SLC44A3: variants seen among roughly 807,000 people sequenced by gnomAD.
SLC44A3 encodes the protein choline transporter-like protein 3.
Under a neutral mutation model 75.4 loss-of-function variants are expected in SLC44A3, and 74 were observed. That is an observed-to-expected ratio of 0.98 (90% CI 0.81 to 1.19). The LOEUF (loss-of-function observed/expected upper bound fraction) is 1.19. Among genes scored for constraint, SLC44A3 ranks in the 50% most tolerant of loss-of-function variants. The pLI, the probability that SLC44A3 is intolerant of heterozygous loss-of-function variation, is 0.00. For synonymous variants in SLC44A3, 310 were observed against 296.9 expected, an observed-to-expected ratio of 1.04 and a Z score of -0.45; for missense variants, 700 against 778.6, an observed-to-expected ratio of 0.90 and a Z score of 1.20.
chr1:94,827,943 G>A (rs1055165099), intron 4 of SLC44A3, among the ~76,000 whole-genome samples: 1 of 152,098 alleles, frequency 6.6e-6, no homozygotes, highest in Non-Finnish European at 1.5e-5. Context: ...ACCCAAAGGC[G>A]GTGTCAGAAG....
chr1:94,844,313 A>G (rs1381085323), intron 8 of SLC44A3, among the ~76,000 whole-genome samples: 1 of 152,200 alleles, frequency 6.6e-6, no homozygotes, highest in Non-Finnish European at 1.5e-5. Context: ...TGAGTCTGAC[A>G]TACTGTAGGA....
chr1:94,847,243 T>C (rs1341058191), intron 9 of SLC44A3, among the ~76,000 whole-genome samples: 1 of 152,248 alleles, frequency 6.6e-6, no homozygotes, highest in Non-Finnish European at 1.5e-5. Flanking sequence ...CCTAGTTCTC[T>C]AGCGCTCAAG....
intron 12 of SLC44A3, among the ~76,000 whole-genome samples, chr1:94,889,017 T>C: frequency 6.6e-6 from 1 of 152,074 alleles, no homozygotes; most frequent in East Asian, 1.9e-4. Context: ...ACCCCTGGCC[T>C]CCCAAAGTGC....
chr1:94,892,178 C>A (rs2101686820), intron 13 of SLC44A3, 103 bp from the exon 14 acceptor site: 14 of 1,021,674 alleles, frequency 1.4e-5, no homozygotes, highest in Middle Eastern at 2.1e-4. Flanking sequence ...AGTGCACACA[C>A]ACGTTGCACA....
chr1:94,883,445 G>A (rs968929799), intron 12 of SLC44A3, among the ~76,000 whole-genome samples: 1 of 152,282 alleles, frequency 6.6e-6, no homozygotes, highest in Non-Finnish European at 1.5e-5. Flanking sequence ...GGTTGAGGCT[G>A]TAGTGAGCCA....
rs1669003922 is a variant in SLC44A3, at chr1:94,881,656, A to T, written c.1483-9474A>T. ...GAGGCGAAGCTTGCAGTGAGCTGAG[A>T]TCATGCCACTGCACTGAAGCCTGGG... On this transcript the variant is annotated intron_variant, in intron 12 of 14. Transcript: ENST00000271227. Among the ~76,000 whole-genome samples, 13 of 150,606 alleles carry T rather than the reference A, an allele frequency of 8.6e-5. No homozygotes were observed. The South Asian group carries it at 2.7e-3, about 32-fold the overall frequency.
intron 12 of SLC44A3, among the ~76,000 whole-genome samples, chr1:94,886,412 C>T (rs568439513): frequency 1.3e-5 from 2 of 152,138 alleles, no homozygotes; most frequent in Non-Finnish European, 2.9e-5. Context: ...GGCTGACCCC[C>T]GACTCTTCCA....
At position 94,821,509 on chromosome 1, in the gene SLC44A3, G is replaced by A. The variant is rs185213081; in HGVS notation, c.135+453G>A. ...CACACACGCGCGCGAGAGATATGTT[G>A]TGTTTAGCAGCCAACACTGTTAACC... On this transcript the variant is annotated intron_variant, in intron 2 of 14. Transcript: ENST00000271227. Among the ~76,000 whole-genome samples, 71 of 152,226 alleles carry A rather than the reference G, an allele frequency of 4.7e-4. 1 individual carries two copies. Among genetic ancestry groups the A allele is most frequent in the Middle Eastern group, 6.8e-3 (2 of 294 alleles).
rs1571495764 is a variant in SLC44A3, at chr1:94,892,516, TG to T, written c.1857+1del. ...CCCTACTTTATGGATCAAGAATTTC[TG>T]GTAAGCAAACATTTCATTTCCAATT... ...EKPYFMDQEF[L>X]SFVKRSNKLN... On this transcript the variant is annotated frameshift_variant and splice_region_variant, in exon 14 of 15. Coordinates refer to ENST00000271227, the MANE Select transcript of SLC44A3 (RefSeq NM_001114106.3). LOFTEE classifies it low-confidence loss of function (END_TRUNC). 6.2e-7 allele frequency: 1 copy of T among 1,613,328 alleles called. No individual in the cohort carries two copies. The highest frequency in any genetic ancestry group is 8.5e-7 in the Non-Finnish European group (1 of 1,179,612).
intron 9 of SLC44A3, among the ~76,000 whole-genome samples, chr1:94,856,089 G>A (rs1007609101): frequency 6.6e-6 from 1 of 152,192 alleles, no homozygotes; most frequent in Admixed American, 6.5e-5. Flanking sequence ...AGAAAAGAAA[G>A]CAGGGTATAG....
chr1:94,839,076 C>G (rs1019343413), intron 6 of SLC44A3: 3 of 152,214 alleles, frequency 2.0e-5, no homozygotes, highest in Non-Finnish European at 2.9e-5. Flanking sequence ...AGACTCAAAC[C>G]CAGATCTGTG....
intron 12 of SLC44A3, among the ~76,000 whole-genome samples, chr1:94,869,172 G>T (rs1417023592): frequency 6.6e-6 from 1 of 152,246 alleles, no homozygotes. Flanking sequence ...CCTGAGATAC[G>T]TATTTTCCTG....
intron 14 of SLC44A3, among the ~76,000 whole-genome samples, chr1:94,893,077 G>A (rs1670400195): frequency 6.6e-6 from 1 of 152,204 alleles, no homozygotes; most frequent in Non-Finnish European, 1.5e-5. Flanking sequence ...TCTGGAAATA[G>A]CAGGCAGCTG....
intron 6 of SLC44A3, among the ~76,000 whole-genome samples, chr1:94,838,767 T>C (rs1663160720): frequency 2.0e-5 from 3 of 152,214 alleles, no homozygotes. Context: ...CAAGATGCTT[T>C]GACTCCCAAA....
chr1:94,833,310 C>T lies in SLC44A3; in HGVS notation c.510-4401C>T, dbSNP rs1268647106. ...CCTCATGGGCATGTTTTGGGTTCTT[C>T]GGGGCTCTTTCAGCTGCAGTGCCTT... On this transcript the variant is annotated intron_variant, in intron 5 of 14. Transcript: ENST00000271227. Among the ~76,000 whole-genome samples, 9 of 152,310 alleles carry T rather than the reference C, an allele frequency of 5.9e-5. No individual in the cohort carries two copies. The South Asian group carries it at 8.3e-4, about 14-fold the overall frequency.
intron 12 of SLC44A3, chr1:94,889,429 A>G (rs1488741572): frequency 6.6e-6 from 1 of 152,124 alleles, no homozygotes; most frequent in African/African-American, 2.4e-5. Context: ...AGCATTTTTA[A>G]AGATTTCAAG....
chr1:94,823,319 C>T (rs1046229982), intron 2 of SLC44A3, among the ~76,000 whole-genome samples: 1 of 152,192 alleles, frequency 6.6e-6, no homozygotes, highest in Non-Finnish European at 1.5e-5. Flanking sequence ...CAGAGTCACA[C>T]CTACTCCACA....
chr1:94,821,047 G>T lies in SLC44A3; in HGVS notation c.126G>T (p.Trp42Cys). Reference protein sequence around the residue: ...TAWLFLFFLFWTGLVFIMGYS... With the variant: ...TAWLFLFFLFCTGLVFIMGYS... Reference sequence around the variant, plus strand: ...GGTTATTCCTGTTCTTTCTCTTTTGGACTGGTTTGGTAAGTGTGGGTGCTT... The same window carrying T: ...GGTTATTCCTGTTCTTTCTCTTTTGTACTGGTTTGGTAAGTGTGGGTGCTT... The change falls in exon 2 of 15, where the codon TGG (tryptophan) becomes TGT (cysteine). Residue 42 changes from tryptophan (W) to cysteine (C), a missense_variant. Physicochemically the swap from Trp to Cys is radical, Grantham distance 215. Transcript: ENST00000271227. The T allele has an allele frequency of 6.4e-7, 1 of 1,551,116 alleles. No individual in the cohort carries two copies. The highest frequency in any genetic ancestry group is 8.7e-7 in the Non-Finnish European group (1 of 1,146,632).
chr1:94,875,827 A>G (rs1486267231), intron 12 of SLC44A3, among the ~76,000 whole-genome samples: 2 of 152,210 alleles, frequency 1.3e-5, no homozygotes, highest in Admixed American at 6.5e-5. Context: ...CTCCATGTAG[A>G]ACATGAAGCA....
Sources: gnomAD v4.1 joint callset for allele counts (sites outside exome capture counted in the v4.1 genomes callset) on GRCh38, gnomAD v4.1.1 for gene constraint, MANE v1.5 for transcripts, NCBI Gene and HGNC (gene_info 2026-07-23, HGNC 2026-07-21) for gene names.